UNC5D: variants seen among roughly 807,000 people sequenced by gnomAD.
UNC5D encodes the protein netrin receptor UNC5D.
UNC5D carries 39 observed loss-of-function variants against 105.4 expected under a neutral mutation model. The ratio of observed to expected loss-of-function variants is 0.37; its 90% CI spans 0.29 to 0.48. The LOEUF (loss-of-function observed/expected upper bound fraction) is 0.48, where lower values mean the gene tolerates loss of function less well. Ranked by LOEUF, UNC5D falls within the 20% of genes least tolerant of loss-of-function variation. The pLI, the probability that UNC5D is intolerant of heterozygous loss-of-function variation, is 0.98. For missense variants in UNC5D, 991 were observed against 1,202.4 expected, an observed-to-expected ratio of 0.82 and a Z score of 2.60; for synonymous variants, 452 against 450.4, an observed-to-expected ratio of 1.00 and a Z score of -0.04.
chr8:35,266,374 C>G (rs1804871944), intron 1 of UNC5D, among the ~76,000 whole-genome samples: 1 of 152,024 alleles, frequency 6.6e-6, no homozygotes, highest in African/African-American at 2.4e-5. Context: ...TACTGTTGAA[C>G]CATATATAGT....
At chr8:35,424,167 A>T (rs144185236) in intron 1 of UNC5D, among the ~76,000 whole-genome samples, 1 of 152,274 alleles carries the variant, frequency 6.6e-6, no homozygotes, top group South Asian at 2.1e-4. Context: ...GGGTAATGAG[A>T]CAATGTATGG....
chr8:35,466,952 G>A (rs1218019967), intron 1 of UNC5D, among the ~76,000 whole-genome samples: 1 of 152,084 alleles, frequency 6.6e-6, no homozygotes, highest in African/African-American at 2.4e-5. Flanking sequence ...TGGGAAAATT[G>A]TACCACTTGC....
At chr8:35,715,453 A>G (rs1035626094) in intron 8 of UNC5D, among the ~76,000 whole-genome samples, 10 of 152,212 alleles carry the variant, frequency 6.6e-5, no homozygotes, top group Non-Finnish European at 1.5e-4. Flanking sequence ...AATCTTATAT[A>G]TGTATTACTT....
At chr8:35,319,887 C>T (rs902422695) in intron 1 of UNC5D, among the ~76,000 whole-genome samples, 2 of 152,020 alleles carry the variant, frequency 1.3e-5, no homozygotes, top group South Asian at 2.1e-4. Flanking sequence ...TAAAATGTAA[C>T]AGTCATGTTT....
At chr8:35,499,415 T>C (rs1457737522) in intron 1 of UNC5D, among the ~76,000 whole-genome samples, 3 of 152,236 alleles carry the variant, frequency 2.0e-5, no homozygotes, top group Admixed American at 2.0e-4. Context: ...ATAACTTAAC[T>C]GACCGAATGA....
chr8:35,428,221 A>G (rs1163944894), intron 1 of UNC5D, among the ~76,000 whole-genome samples: 3 of 152,028 alleles, frequency 2.0e-5, no homozygotes, highest in South Asian at 2.1e-4. Context: ...TCTGTCACCC[A>G]GGCTGGACTG....
intron 4 of UNC5D, among the ~76,000 whole-genome samples, chr8:35,657,627 A>G (rs1823858508): frequency 6.6e-6 from 1 of 152,080 alleles, no homozygotes; most frequent in Admixed American, 6.5e-5. Context: ...TGAGAGTACA[A>G]GCATGTGCCA....
chr8:35,413,944 T>C (rs1805368375), intron 1 of UNC5D, among the ~76,000 whole-genome samples: 1 of 152,258 alleles, frequency 6.6e-6, no homozygotes, highest in South Asian at 2.1e-4. Flanking sequence ...TACAACCATC[T>C]TGAGGGCTTT....
chr8:35,468,097 A>G (rs1356523890), intron 1 of UNC5D, among the ~76,000 whole-genome samples: 3 of 152,170 alleles, frequency 2.0e-5, no homozygotes, highest in Admixed American at 2.0e-4. Flanking sequence ...AATTAGATAA[A>G]TTTCTCAATG....
intron 1 of UNC5D, among the ~76,000 whole-genome samples, chr8:35,365,534 T>C (rs562137348): frequency 6.6e-6 from 1 of 150,416 alleles, no homozygotes; most frequent in East Asian, 1.9e-4. Context: ...ACCCCTGTTT[T>C]TGTCCAAAAT....
intron 1 of UNC5D, among the ~76,000 whole-genome samples, chr8:35,416,841 A>C (rs78433140): frequency 0.049 from 7,523 of 152,298 alleles, 211 homozygotes; most frequent in African/African-American, 0.073. Context: ...AGCACCCATG[A>C]TTCAACAGCA....
chr8:35,425,853 T>C (rs1432642885), intron 1 of UNC5D, among the ~76,000 whole-genome samples: 1 of 152,324 alleles, frequency 6.6e-6, no homozygotes, highest in East Asian at 1.9e-4. Context: ...TACATAGTTA[T>C]GTTTTGATAC....
intron 4 of UNC5D, among the ~76,000 whole-genome samples, chr8:35,607,025 C>T (rs1400700889): frequency 6.6e-6 from 1 of 152,172 alleles, no homozygotes; most frequent in Non-Finnish European, 1.5e-5. Context: ...CTTGCCCCAG[C>T]ACCCTACACT....
intron 2 of UNC5D, among the ~76,000 whole-genome samples, chr8:35,564,297 G>A (rs1817174850): frequency 6.6e-6 from 1 of 151,984 alleles, no homozygotes; most frequent in Middle Eastern, 3.2e-3. Flanking sequence ...AAAGGTTATT[G>A]AATGCTTCTT....
intron 1 of UNC5D, among the ~76,000 whole-genome samples, chr8:35,436,724 C>T (rs796886868): frequency 4.6e-5 from 7 of 152,040 alleles, no homozygotes; most frequent in South Asian, 2.1e-4. Context: ...TTTTTTATAA[C>T]CCACAAATGC....
chr8:35,292,953 T>C (rs977702225), intron 1 of UNC5D, among the ~76,000 whole-genome samples: 41 of 152,042 alleles, frequency 2.7e-4, no homozygotes, highest in African/African-American at 9.7e-4. Context: ...GCCTTCCAAA[T>C]TGCTGGGATT....
At chr8:35,263,630 C>T (rs184767796) in intron 1 of UNC5D, among the ~76,000 whole-genome samples, 137 of 152,282 alleles carry the variant, frequency 9.0e-4, no homozygotes, top group Non-Finnish European at 5.0e-4. Context: ...ACATCTGTAG[C>T]TTTGTATCTG....
At chr8:35,588,005 A>G (rs1818906646) in intron 3 of UNC5D, among the ~76,000 whole-genome samples, 2 of 115,096 alleles carry the variant, frequency 1.7e-5, no homozygotes, top group African/African-American at 3.1e-5. Flanking sequence ...CTAATCCCAC[A>G]CCAGTTGCTA....
chr8:35,774,853 G>A (rs1391029081), intron 16 of UNC5D, among the ~76,000 whole-genome samples: 1 of 149,490 alleles, frequency 6.7e-6, no homozygotes, highest in Non-Finnish European at 1.5e-5. Context: ...CTTGAGCCTG[G>A]CAGGTCAAGG....
Sources: gnomAD v4.1 joint callset for allele counts (sites outside exome capture counted in the v4.1 genomes callset) on GRCh38, gnomAD v4.1.1 for gene constraint, MANE v1.5 for transcripts, NCBI Gene and HGNC (gene_info 2026-07-23, HGNC 2026-07-21) for gene names.